The following FGD5 variants were observed in gnomAD, a reference collection of about 807,000 sequenced individuals.
FGD5 encodes the protein FYVE, RhoGEF and PH domain containing 5, also known as FYVE, RhoGEF and PH domain-containing protein 5.
A neutral mutation model predicts 133.4 loss-of-function variants in FGD5; 28 were observed. The observed-to-expected ratio is 0.21, with a 90% confidence interval of 0.16 to 0.29. FGD5 has a LOEUF of 0.29. Among genes scored for constraint, FGD5 ranks in the 10% least tolerant of loss-of-function variants. The probability of loss-of-function intolerance (pLI) is 1.00; values close to 1 mark genes in which losing one functional copy is unlikely to be tolerated. For synonymous variants in FGD5, 810 were observed against 776.5 expected, an observed-to-expected ratio of 1.04 and a Z score of -0.72; for missense variants, 1,858 against 1,895.2, an observed-to-expected ratio of 0.98 and a Z score of 0.36.
intron 1 of FGD5, among the ~76,000 whole-genome samples, chr3:14,822,613 C>T (rs1352005150): frequency 2.6e-5 from 4 of 151,986 alleles, no homozygotes; most frequent in Non-Finnish European, 5.9e-5. Context: ...TTGATCATCC[C>T]GAGTGGATAA....
chr3:14,903,177 C>CTT (rs764551743), intron 9 of FGD5, among the ~76,000 whole-genome samples: 72 of 152,212 alleles, frequency 4.7e-4, no homozygotes, highest in Non-Finnish European at 9.6e-4. Context: ...CCATTAAACT[C>CTT]TAACTCCTCA....
intron 11 of FGD5, among the ~76,000 whole-genome samples, chr3:14,911,862 C>T (rs1223273285): frequency 2.0e-5 from 3 of 150,570 alleles, no homozygotes; most frequent in African/African-American, 2.5e-5. Context: ...GCAGCGCCGC[C>T]GTGTCTGGAG....
chr3:14,864,067 G>A, intron 1 of FGD5, 61 bp from the exon 2 acceptor site: 1 of 1,576,350 alleles, frequency 6.3e-7, no homozygotes, highest in Non-Finnish European at 8.7e-7. Context: ...ACCCCTGGTA[G>A]GTTCACTTTG....
chr3:14,904,322 C>A (rs576237924), intron 9 of FGD5, among the ~76,000 whole-genome samples: 8 of 152,206 alleles, frequency 5.3e-5, no homozygotes, highest in Non-Finnish European at 1.2e-4. Flanking sequence ...TGTCTCTTCT[C>A]CCTCATTGGC....
intron 18 of FGD5, among the ~76,000 whole-genome samples, chr3:14,930,568 G>T (rs1170027587): frequency 6.6e-6 from 1 of 151,706 alleles, no homozygotes; most frequent in African/African-American, 2.4e-5. Flanking sequence ...CTGCACTCCA[G>T]TCAGACTTTT....
chr3:14,900,195 G>C (rs535876782), intron 7 of FGD5, among the ~76,000 whole-genome samples: 4 of 152,372 alleles, frequency 2.6e-5, no homozygotes, highest in South Asian at 4.1e-4. Flanking sequence ...TGTTGGATAA[G>C]TGAGGGACAA....
intron 7 of FGD5, among the ~76,000 whole-genome samples, chr3:14,899,177 G>A (rs1363827419): frequency 1.3e-5 from 2 of 152,240 alleles, no homozygotes; most frequent in East Asian, 1.9e-4. Context: ...GACATTTTCA[G>A]CCTTGGACCT....
chr3:14,846,155 G>C (rs141747239), intron 1 of FGD5, among the ~76,000 whole-genome samples: 4 of 152,162 alleles, frequency 2.6e-5, no homozygotes, highest in Non-Finnish European at 4.4e-5. Context: ...AATTGAACCC[G>C]TGTGGCTGGT....
At chr3:14,852,906 A>G (rs1418062434) in intron 1 of FGD5, among the ~76,000 whole-genome samples, 1 of 152,040 alleles carries the variant, frequency 6.6e-6, no homozygotes, top group Non-Finnish European at 1.5e-5. Flanking sequence ...AGGCTGTGGG[A>G]TGTGTGTGTC....
At chr3:14,928,918 CTTTT>C (rs1282509177) in intron 18 of FGD5, among the ~76,000 whole-genome samples, 1 of 151,292 alleles carries the variant, frequency 6.6e-6, no homozygotes, top group Non-Finnish European at 1.5e-5. Context: ...GTTTTTGTAC[CTTTT>C]TTTTGCCTTT....
intron 6 of FGD5, 121 bp downstream of exon 6, chr3:14,898,216 G>A (rs1159372895): frequency 1.5e-6 from 2 of 1,311,156 alleles, no homozygotes; most frequent in African/African-American, 2.9e-5. Context: ...AGACAGGGAA[G>A]ACCTGGCCAG....
intron 9 of FGD5, among the ~76,000 whole-genome samples, chr3:14,906,337 C>T (rs567572945): frequency 6.6e-6 from 1 of 152,318 alleles, no homozygotes; most frequent in Non-Finnish European, 1.5e-5. Flanking sequence ...TGGCCTTAGA[C>T]AGGTTTCTGG....
intron 8 of FGD5, among the ~76,000 whole-genome samples, chr3:14,900,778 G>A (rs199535667): frequency 4.6e-5 from 7 of 152,290 alleles, no homozygotes; most frequent in East Asian, 1.9e-4. Context: ...CTCCCAATTC[G>A]ATGTGGCTGT....
intron 10 of FGD5, among the ~76,000 whole-genome samples, chr3:14,910,203 A>G (rs780452749): frequency 6.6e-6 from 1 of 152,258 alleles, no homozygotes; most frequent in Non-Finnish European, 1.5e-5. Context: ...AATACAGAGC[A>G]TGGTGAATTG....
At chr3:14,849,528 A>G (rs1320645425) in intron 1 of FGD5, among the ~76,000 whole-genome samples, 3 of 152,154 alleles carry the variant, frequency 2.0e-5, no homozygotes, top group Non-Finnish European at 4.4e-5. Flanking sequence ...AGTTTCTCCA[A>G]CTGAAAGATG....
intron 4 of FGD5, among the ~76,000 whole-genome samples, chr3:14,893,699 G>A (rs571323549): frequency 5.4e-5 from 8 of 148,280 alleles, no homozygotes; most frequent in African/African-American, 1.0e-4. Flanking sequence ...TATAGTTGCC[G>A]TACTGATTTA....
intron 1 of FGD5, among the ~76,000 whole-genome samples, chr3:14,850,724 CCCT>C (rs2037145892): frequency 6.6e-6 from 1 of 151,856 alleles, no homozygotes; most frequent in Admixed American, 6.6e-5. Context: ...CAACGGGAGC[CCCT>C]CCTGCTGGAG....
intron 9 of FGD5, among the ~76,000 whole-genome samples, chr3:14,906,018 C>T (rs918573454): frequency 9.2e-5 from 14 of 152,172 alleles, no homozygotes; most frequent in Middle Eastern, 3.4e-3. Context: ...GTTTTGCTGC[C>T]GTGTCATCAA....
At chr3:14,838,508 G>A (rs1230490884) in intron 1 of FGD5, among the ~76,000 whole-genome samples, 1 of 152,152 alleles carries the variant, frequency 6.6e-6, no homozygotes, top group African/African-American at 2.4e-5. Context: ...TGACCCCCCA[G>A]TGATTCAGGT....
Sources: gnomAD v4.1 joint callset for allele counts (sites outside exome capture counted in the v4.1 genomes callset) on GRCh38, gnomAD v4.1.1 for gene constraint, MANE v1.5 for transcripts, NCBI Gene and HGNC (gene_info 2026-07-23, HGNC 2026-07-21) for gene names.